FSTL5: variants seen among roughly 807,000 people sequenced by gnomAD.
The protein encoded by FSTL5 is follistatin like 5.
FSTL5 carries 62 observed loss-of-function variants against 89.1 expected under a neutral mutation model. The ratio of observed to expected loss-of-function variants is 0.70; its 90% CI spans 0.57 to 0.86. The LOEUF is 0.86. Among genes scored for constraint, FSTL5 ranks in the 40% least tolerant of loss-of-function variants. The pLI, the probability that FSTL5 is intolerant of heterozygous loss-of-function variation, is 0.00. For synonymous variants in FSTL5, 383 were observed against 346.2 expected (o/e 1.11, Z -1.18); for missense variants, 1,057 against 1,001.6 (o/e 1.06, Z -0.75).
At chr4:161,526,090 A>G (rs1008065825) in intron 10 of FSTL5, among the ~76,000 whole-genome samples, 2 of 152,174 alleles carry the variant, frequency 1.3e-5, no homozygotes, top group Non-Finnish European at 1.5e-5. Flanking sequence ...TAGGATTACA[A>G]CTTCTTAATC....
chr4:161,977,545 G>C (rs1412829747), intron 3 of FSTL5, among the ~76,000 whole-genome samples: 1 of 147,802 alleles, frequency 6.8e-6, no homozygotes, highest in African/African-American at 2.5e-5. Flanking sequence ...CATGGAAGGC[G>C]GAGCTTGCAG....
intron 6 of FSTL5, among the ~76,000 whole-genome samples, chr4:161,697,876 C>T (rs1038772336): frequency 1.3e-5 from 2 of 152,056 alleles, no homozygotes; most frequent in South Asian, 2.1e-4. Context: ...TGCCCCCCAA[C>T]GCCTGCTGCC....
rs78096748 is a variant in FSTL5 at position 161,872,424 on chromosome 4, C to G, written c.409+47980G>C. Among the ~76,000 whole-genome samples, 306 of 152,142 alleles carry G rather than the reference C, an allele frequency of 2.0e-3. 8 individuals carry two copies. The East Asian group carries it at 0.056, about 28-fold the overall frequency. On this transcript the variant is annotated intron_variant, in intron 4 of 15. Coordinates refer to ENST00000306100, the MANE Select transcript of FSTL5 (RefSeq NM_020116.5). Reference sequence around the variant, plus strand: ...CCCTAATGCAGTGGCTTTAAAAATGCCTAATGGTCTTCTAGAGACCTTCAA... The same window carrying G: ...CCCTAATGCAGTGGCTTTAAAAATGGCTAATGGTCTTCTAGAGACCTTCAA...
chr4:161,901,700 G>A (rs1413678405), intron 4 of FSTL5, among the ~76,000 whole-genome samples: 3 of 152,114 alleles, frequency 2.0e-5, no homozygotes, highest in Non-Finnish European at 2.9e-5. Flanking sequence ...TTGGGAAGCC[G>A]AGGTGGGGCG....
chr4:161,520,460 G>A (rs1045902546), intron 10 of FSTL5, among the ~76,000 whole-genome samples: 6 of 151,752 alleles, frequency 4.0e-5, no homozygotes, highest in Non-Finnish European at 8.8e-5. Context: ...TTTTGTGAGG[G>A]AAATTATAAA....
intron 10 of FSTL5, among the ~76,000 whole-genome samples, chr4:161,535,807 T>C (rs914522665): frequency 6.6e-6 from 1 of 152,062 alleles, no homozygotes; most frequent in African/African-American, 2.4e-5. Flanking sequence ...TGCAGCACTA[T>C]TCACAATACT....
At position 161,878,665 on chromosome 4, in the gene FSTL5, GTAAAA is replaced by G. The variant is rs374390414; in HGVS notation, c.409+41734_409+41738del. ...GGGTAATAAGGTCTGATTATGAATT[GTAAAA>G]TAAAATAGAATATCCCTAGTAGCCA... is the stretch of plus-strand genomic sequence containing the variant. On this transcript the variant is annotated intron_variant, in intron 4 of 15. Coordinates refer to ENST00000306100, the MANE Select transcript of FSTL5 (RefSeq NM_020116.5). Among the ~76,000 whole-genome samples, 325 of 152,258 alleles carry G rather than the reference GTAAAA, an allele frequency of 2.1e-3. 1 individual carries two copies. The highest frequency in any genetic ancestry group is 7.4e-3 in the African/African-American group (308 of 41,568).
chr4:161,985,421 C>T (rs958001091), intron 3 of FSTL5, among the ~76,000 whole-genome samples: 1 of 151,938 alleles, frequency 6.6e-6, no homozygotes, highest in African/African-American at 2.4e-5. Context: ...ATTCATAAGA[C>T]AAATTTGTGA....
chr4:162,022,430 A>G (rs1374030788), intron 3 of FSTL5, among the ~76,000 whole-genome samples: 1 of 152,088 alleles, frequency 6.6e-6, no homozygotes, highest in Non-Finnish European at 1.5e-5. Flanking sequence ...CTTAAAACAC[A>G]ATTTATTAAA....
chr4:161,755,560 T>A (rs929184941), intron 6 of FSTL5, among the ~76,000 whole-genome samples: 1 of 152,076 alleles, frequency 6.6e-6, no homozygotes, highest in Non-Finnish European at 1.5e-5. Context: ...CCTTAGTTTA[T>A]CCCTCTGGAT....
intron 2 of FSTL5, among the ~76,000 whole-genome samples, chr4:162,057,813 A>G (rs1048445450): frequency 5.9e-4 from 89 of 152,094 alleles, no homozygotes; most frequent in African/African-American, 2.1e-3. Flanking sequence ...GTGTGGTGGC[A>G]CATGCCTGTA....
At chr4:162,102,664 TA>T (rs901298164) in intron 2 of FSTL5, among the ~76,000 whole-genome samples, 4 of 145,794 alleles carry the variant, frequency 2.7e-5, no homozygotes, top group African/African-American at 7.4e-5. Context: ...TATACATATA[TA>T]AAAATATGTA....
At chr4:161,997,749 C>T (rs889743274) in intron 3 of FSTL5, among the ~76,000 whole-genome samples, 2 of 151,546 alleles carry the variant, frequency 1.3e-5, no homozygotes, top group African/African-American at 4.9e-5. Flanking sequence ...GGACTAAAGG[C>T]GCCCGCCACC....
rs752097493 is a variant in FSTL5 at position 161,500,048 on chromosome 4, T to C, written c.1426A>G (p.Ile476Val). 6.2e-7 allele frequency: 1 copy of C among 1,610,416 alleles called. No homozygotes were observed. Among genetic ancestry groups the C allele is most frequent in the Non-Finnish European group, 8.5e-7 (1 of 1,177,362 alleles). ...QPIECEFQRHIKPSEKLLGFQ... is the reference protein window; with the variant it reads ...QPIECEFQRHVKPSEKLLGFQ... ...CCAAGGAGCTTTTCACTAGGCTTAA[T>C]GTGCCTCTGAAATTCACATTCTATG... Residue 476 changes from isoleucine (I) to valine (V), a missense_variant, in exon 12 of 16, where the codon ATT (isoleucine) becomes GTT (valine). Transcript: ENST00000306100.
At chr4:161,905,762 T>C (rs905833294) in intron 4 of FSTL5, among the ~76,000 whole-genome samples, 10 of 152,152 alleles carry the variant, frequency 6.6e-5, no homozygotes, top group African/African-American at 2.4e-4. Context: ...GTGAGAACGA[T>C]TTCTTTTGAC....
At chr4:161,399,840 A>G (rs1234301932) in intron 15 of FSTL5, among the ~76,000 whole-genome samples, 1 of 152,150 alleles carries the variant, frequency 6.6e-6, no homozygotes, top group Non-Finnish European at 1.5e-5. Flanking sequence ...TAAGTAGTAC[A>G]GTATGTACTA....
rs1028628272 is a variant in FSTL5, at chr4:161,781,185, T to C, written c.410-5111A>G. ...TTGTATTTAAAGCATAAAAAAGATG[T>C]CAAAACTTCAGTTGATGTATTTAAT... On this transcript the variant is annotated intron_variant, in intron 4 of 15. Coordinates refer to ENST00000306100, the MANE Select transcript of FSTL5 (RefSeq NM_020116.5). 7.2e-5 allele frequency among the ~76,000 whole-genome samples: 11 copies of C among 152,198 alleles called. No homozygotes were observed. The East Asian group carries it at 2.1e-3, about 29-fold the overall frequency.
chr4:162,099,852 G>A (rs771549966), intron 2 of FSTL5, among the ~76,000 whole-genome samples: 22 of 152,238 alleles, frequency 1.4e-4, no homozygotes, highest in Admixed American at 2.6e-4. Context: ...TGTCATTAGG[G>A]AATTGCAAAT....
chr4:162,147,458 C>A, intron 1 of FSTL5, among the ~76,000 whole-genome samples: 1 of 152,054 alleles, frequency 6.6e-6, no homozygotes, highest in Non-Finnish European at 1.5e-5. Flanking sequence ...TTCTTTCATG[C>A]TTGATTTTTT....
Sources: allele counts gnomAD v4.1 joint callset (sites outside exome capture counted in the v4.1 genomes callset), GRCh38; gene constraint gnomAD v4.1.1; transcripts MANE v1.5; gene names NCBI Gene and HGNC (gene_info 2026-07-23, HGNC 2026-07-21).